Variants in MYH14 observed in about 807,000 individuals in gnomAD.
The protein encoded by MYH14 is myosin-14.
MYH14 carries 123 observed loss-of-function variants against 255.5 expected under a neutral mutation model. The observed-to-expected ratio is 0.48, with a 90% CI of 0.42 to 0.56. MYH14 has a LOEUF of 0.56. Among genes scored for constraint, MYH14 ranks in the 20% least tolerant of loss-of-function variants. The pLI is 0.00. For missense variants in MYH14, 2,423 were observed against 2,802.3 expected, an observed-to-expected ratio of 0.86 and a Z score of 3.06; for synonymous variants, 1,095 against 1,161.2, an observed-to-expected ratio of 0.94 and a Z score of 1.16.
intron 1 of MYH14, among the ~76,000 whole-genome samples, chr19:50,204,264 G>A (rs901057170): frequency 1.3e-5 from 2 of 152,180 alleles, no homozygotes; most frequent in Non-Finnish European, 2.9e-5. Context: ...GGGGGACCTG[G>A]TGGAGAAGAA....
intron 10 of MYH14, among the ~76,000 whole-genome samples, chr19:50,238,372 G>T (rs1174589383): frequency 6.6e-6 from 1 of 152,228 alleles, no homozygotes; most frequent in Non-Finnish European, 1.5e-5. Flanking sequence ...TGATGTTAAG[G>T]AATGATCATT....
intron 6 of MYH14, 92 bp downstream of exon 6, chr19:50,224,269 C>T (rs2032993066): frequency 3.9e-6 from 6 of 1,553,188 alleles, no homozygotes; most frequent in Admixed American, 3.3e-5. Flanking sequence ...GGGCCCAAGG[C>T]AGCAGTGGTC....
At chr19:50,219,681 G>C (rs2032708248) in intron 3 of MYH14, among the ~76,000 whole-genome samples, 1 of 151,964 alleles carries the variant, frequency 6.6e-6, no homozygotes, top group Non-Finnish European at 1.5e-5. Flanking sequence ...CAAGGCAGTT[G>C]TGTACAGCTG....
intron 8 of MYH14, among the ~76,000 whole-genome samples, chr19:50,228,556 C>T (rs1221337540): frequency 1.3e-5 from 2 of 152,134 alleles, no homozygotes; most frequent in African/African-American, 4.8e-5. Context: ...AAGTCCCCAG[C>T]AGCACCGCAG....
chr19:50,246,094 C>T (rs1015463592), intron 11 of MYH14, among the ~76,000 whole-genome samples: 3 of 89,700 alleles, frequency 3.3e-5, no homozygotes, highest in Non-Finnish European at 7.4e-5. Context: ...CCCCCTCCCT[C>T]CCTCCCTCCC....
At chr19:50,297,706 G>A (rs1601056411) in intron 39 of MYH14, among the ~76,000 whole-genome samples, 1 of 151,288 alleles carries the variant, frequency 6.6e-6, no homozygotes, top group South Asian at 2.1e-4. Context: ...CACCATGTTG[G>A]CCAGGCTGGT....
intron 1 of MYH14, among the ~76,000 whole-genome samples, chr19:50,209,080 G>A (rs977091349): frequency 2.0e-5 from 3 of 152,082 alleles, no homozygotes; most frequent in Admixed American, 2.0e-4. Flanking sequence ...ATCACCTGAG[G>A]CTGGGAAGTC....
At chr19:50,239,171 C>T (rs183228595) in intron 10 of MYH14, among the ~76,000 whole-genome samples, 1 of 152,262 alleles carries the variant, frequency 6.6e-6, no homozygotes, top group Non-Finnish European at 1.5e-5. Context: ...AGGCATGCGC[C>T]GCCACACCCA....
intron 27 of MYH14, among the ~76,000 whole-genome samples, chr19:50,274,932 CAAAAA>C (rs1206238409): frequency 2.6e-5 from 3 of 115,776 alleles, no homozygotes; most frequent in African/African-American, 3.3e-5. Context: ...CCCTCTCTCT[CAAAAA>C]AAAAAAAAAA....
At chr19:50,265,590 G>A (rs574369193) in intron 22 of MYH14, among the ~76,000 whole-genome samples, 1 of 152,216 alleles carries the variant, frequency 6.6e-6, no homozygotes, top group East Asian at 1.9e-4. Flanking sequence ...GGAGGCTGAG[G>A]CAGGTGGATC....
chr19:50,257,489 G>A lies in MYH14; in HGVS notation c.2232+3G>A, dbSNP rs1221154739. The A allele has an allele frequency of 3.8e-6, 6 of 1,596,080 alleles. No homozygotes were observed. Among genetic ancestry groups the A allele is most frequent in the Middle Eastern group, 1.7e-4 (1 of 6,046 alleles). ...TTGTCCCCAACCACGAGAAGAGGGTGAGTGACTCAGCCTGGGGAGGAAGGG... is the reference window on the plus strand; with the variant it reads ...TTGTCCCCAACCACGAGAAGAGGGTAAGTGACTCAGCCTGGGGAGGAAGGG... On this transcript the variant is annotated splice_donor_region_variant and intron_variant, in intron 18 of 42. Coordinates refer to ENST00000642316, the MANE Select transcript of MYH14 (RefSeq NM_001145809.2).
At chr19:50,279,853 C>G (rs2035645586) in intron 30 of MYH14, among the ~76,000 whole-genome samples, 184 bp from the exon 31 acceptor site, 1 of 152,180 alleles carries the variant, frequency 6.6e-6, no homozygotes, top group Non-Finnish European at 1.5e-5. Context: ...GGGTATGCAC[C>G]TAGGAGCGGG....
intron 40 of MYH14, among the ~76,000 whole-genome samples, chr19:50,303,395 GA>G (rs2036557541): frequency 6.6e-6 from 1 of 152,164 alleles, no homozygotes; most frequent in South Asian, 2.1e-4. Flanking sequence ...TTGTTCATAT[GA>G]CAGAGTCAAG....
intron 25 of MYH14, 60 bp from the exon 26 acceptor site, chr19:50,271,789 G>A: frequency 6.2e-7 from 1 of 1,605,672 alleles, no homozygotes; most frequent in Non-Finnish European, 8.5e-7. Flanking sequence ...TGCAGATCAG[G>A]TAAGGGCTGC....
intron 24 of MYH14, among the ~76,000 whole-genome samples, chr19:50,271,067 T>C (rs1443453900): frequency 6.6e-6 from 1 of 151,868 alleles, no homozygotes; most frequent in African/African-American, 2.4e-5. Flanking sequence ...CAAGGATAGG[T>C]GTTCCTTTTT....
chr19:50,251,270 ATC>A (rs2123311873), intron 15 of MYH14, among the ~76,000 whole-genome samples: 1 of 152,200 alleles, frequency 6.6e-6, no homozygotes, highest in East Asian at 1.9e-4. Context: ...GGGCCAGACG[ATC>A]TCTGTCACAG....
At chr19:50,218,131 G>A (rs2032589921) in intron 3 of MYH14, among the ~76,000 whole-genome samples, 1 of 151,776 alleles carries the variant, frequency 6.6e-6, no homozygotes, top group Non-Finnish European at 1.5e-5. Context: ...CAAGTGGCTG[G>A]GACTACAGGC....
At chr19:50,259,819 A>G (rs544550000) in intron 19 of MYH14, among the ~76,000 whole-genome samples, 29 of 152,312 alleles carry the variant, frequency 1.9e-4, no homozygotes, top group African/African-American at 6.3e-4. Context: ...GGGAGGTTGC[A>G]GTGAGCCGAG....
At position 50,282,129 on chromosome 19, in the gene MYH14, A is replaced by G. The variant is rs667907; in HGVS notation, c.4539+287A>G. 0.36 allele frequency among the ~76,000 whole-genome samples: 55,354 copies of G among 152,026 alleles called. 11,113 individuals are homozygous for G. The highest frequency in any genetic ancestry group is 0.54 in the African/African-American group (22,187 of 41,464). On this transcript the variant is annotated intron_variant, in intron 33 of 42. Transcript: ENST00000642316. ...TACGAATACCTTCAGTACCCCAGAG[A>G]TTGCTTATGAGAATTAAATCAAATA... is the stretch of plus-strand genomic sequence containing the variant.
Sources: allele counts gnomAD v4.1 joint callset (sites outside exome capture counted in the v4.1 genomes callset), GRCh38; gene constraint gnomAD v4.1.1; transcripts MANE v1.5; gene names NCBI Gene and HGNC (gene_info 2026-07-23, HGNC 2026-07-21).